The following LRRC20 variants were observed in gnomAD, a reference collection of about 807,000 sequenced individuals.
LRRC20 encodes leucine rich repeat containing 20.
LRRC20 carries 11 observed loss-of-function variants against 14.4 expected under a neutral mutation model. That is an observed-to-expected ratio of 0.77 (90% CI 0.48 to 1.27). The LOEUF (loss-of-function observed/expected upper bound fraction) is 1.27. Ranked by LOEUF, LRRC20 falls within the 50% of genes most tolerant of loss-of-function variation. LRRC20 has a pLI of 0.00. For missense variants in LRRC20, 219 were observed against 251.2 expected, an observed-to-expected ratio of 0.87 and a Z score of 0.87; for synonymous variants, 121 against 107.3, an observed-to-expected ratio of 1.13 and a Z score of -0.79.
chr10:70,368,367 C>G (rs1349071057), intron 2 of LRRC20, among the ~76,000 whole-genome samples: 3 of 151,684 alleles, frequency 2.0e-5, no homozygotes, highest in African/African-American at 7.3e-5. Flanking sequence ...CTGTGTTAGC[C>G]AGGATGGTCT....
At chr10:70,340,192 G>A (rs1842863704) in intron 3 of LRRC20, among the ~76,000 whole-genome samples, 1 of 151,916 alleles carries the variant, frequency 6.6e-6, no homozygotes, top group African/African-American at 2.4e-5. Flanking sequence ...GAGCAACACA[G>A]GAGAACAACA....
At chr10:70,367,328 C>CG (rs1554843828) in intron 2 of LRRC20, among the ~76,000 whole-genome samples, 1 of 117,380 alleles carries the variant, frequency 8.5e-6, no homozygotes, top group African/African-American at 3.2e-5. Flanking sequence ...GACCCGGTCT[C>CG]AAAAAAAAAA....
intron 2 of LRRC20, among the ~76,000 whole-genome samples, chr10:70,375,944 TAA>T (rs935727762): frequency 9.2e-5 from 14 of 152,168 alleles, no homozygotes; most frequent in African/African-American, 3.4e-4. Context: ...AAAAAATATA[TAA>T]GACACAATTC....
At position 70,336,587 on chromosome 10, in the gene LRRC20, TC is replaced by T. The variant is rs377104163; in HGVS notation, c.232+3965del. On this transcript the variant is annotated intron_variant, in intron 3 of 4. Transcript: ENST00000446961. ...AAAGAAAGCCAATATGCCCTCCTTG[TC>T]AATCACAGAGGATGCTCCGCCTCTA... is the stretch of plus-strand genomic sequence containing the variant. Among the ~76,000 whole-genome samples, 125 of 152,314 alleles carry T rather than the reference TC, an allele frequency of 8.2e-4. 1 individual carries two copies. The East Asian group carries it at 0.023, about 28-fold the overall frequency.
Position 70,340,650 on chromosome 10 carries a change from C to T in LRRC20, c.135G>A (p.Leu45=), listed in dbSNP as rs142565410. 4.2e-5 allele frequency: 68 copies of T among 1,614,232 alleles called. No homozygotes were observed. The African/African-American group carries it at 8.3e-4, about 20-fold the overall frequency. Residue 45 remains leucine, a synonymous_variant, in exon 3 of 5, where the codon CTG becomes CTA. Transcript: ENST00000446961. ...VSFPIGIYKV[L]RNVSGQIHLI... ...GGTGGATCTGGCCAGAGACATTCCG[C>T]AGGACCTTGTAGATGCCAATGGGAA...
intron 4 of LRRC20, among the ~76,000 whole-genome samples, chr10:70,311,221 C>CTTTTTT (rs1491407192): frequency 1.7e-5 from 2 of 120,600 alleles, no homozygotes; most frequent in East Asian, 3.0e-4. Context: ...TTCAACATTC[C>CTTTTTT]ATTTTTTTTT....
At chr10:70,350,772 G>C (rs1030452832) in intron 2 of LRRC20, among the ~76,000 whole-genome samples, 6 of 152,196 alleles carry the variant, frequency 3.9e-5, no homozygotes, top group Admixed American at 2.6e-4. Flanking sequence ...AGGCTCCCAA[G>C]GCTACTGGAG....
intron 2 of LRRC20, among the ~76,000 whole-genome samples, chr10:70,373,786 A>C (rs1250996537): frequency 6.6e-6 from 1 of 152,206 alleles, no homozygotes; most frequent in Non-Finnish European, 1.5e-5. Context: ...TGGTGGAGAC[A>C]GGGCCCAGGC....
chr10:70,372,677 T>C (rs376170833), intron 2 of LRRC20, among the ~76,000 whole-genome samples: 80 of 152,032 alleles, frequency 5.3e-4, no homozygotes, highest in Admixed American at 1.3e-3. Context: ...CTCCTGACCT[T>C]GTGATCCGCC....
intron 1 of LRRC20, among the ~76,000 whole-genome samples, chr10:70,378,612 C>T (rs1245144957): frequency 3.3e-5 from 5 of 151,906 alleles, no homozygotes; most frequent in African/African-American, 9.7e-5. Flanking sequence ...CGTGGTAAAA[C>T]TCCATCTCTA....
chr10:70,327,350 G>A (rs1259730822), intron 3 of LRRC20, among the ~76,000 whole-genome samples: 2 of 113,478 alleles, frequency 1.8e-5, no homozygotes, highest in Admixed American at 1.7e-4. Flanking sequence ...TGAGGCAGAC[G>A]GATCACTTGA....
intron 2 of LRRC20, among the ~76,000 whole-genome samples, chr10:70,359,360 C>G (rs1843637837): frequency 6.6e-6 from 1 of 152,148 alleles, no homozygotes; most frequent in Admixed American, 6.5e-5. Flanking sequence ...AGTTCAAGGC[C>G]AGCCTGGACA....
At chr10:70,322,951 T>A (rs2136945420) in intron 4 of LRRC20, among the ~76,000 whole-genome samples, 1 of 151,818 alleles carries the variant, frequency 6.6e-6, no homozygotes, top group Non-Finnish European at 1.5e-5. Flanking sequence ...CCCAAACTGC[T>A]AGGACTCATC....
chr10:70,314,200 TG>T (rs1841776143), intron 4 of LRRC20, among the ~76,000 whole-genome samples: 1 of 151,928 alleles, frequency 6.6e-6, no homozygotes, highest in Non-Finnish European at 1.5e-5. Context: ...GAGATTTGGG[TG>T]GGGACACAGC....
At chr10:70,358,390 G>A (rs991211992) in intron 2 of LRRC20, among the ~76,000 whole-genome samples, 4 of 152,220 alleles carry the variant, frequency 2.6e-5, no homozygotes, top group Non-Finnish European at 5.9e-5. Context: ...GAGGGCTGCA[G>A]TTACCAACTG....
intron 4 of LRRC20, among the ~76,000 whole-genome samples, chr10:70,312,489 G>A (rs1564613106): frequency 6.6e-6 from 1 of 152,164 alleles, no homozygotes; most frequent in Non-Finnish European, 1.5e-5. Flanking sequence ...CCTGGCAGAG[G>A]TGGGGCAGAA....
At chr10:70,375,783 C>CAA (rs2137175942) in intron 2 of LRRC20, among the ~76,000 whole-genome samples, 1 of 151,190 alleles carries the variant, frequency 6.6e-6, no homozygotes, top group South Asian at 2.1e-4. Context: ...ACAGGACACA[C>CAA]AGGTAACTGC....
At chr10:70,306,207 T>C (rs1841420415) in intron 4 of LRRC20, among the ~76,000 whole-genome samples, 1 of 152,052 alleles carries the variant, frequency 6.6e-6, no homozygotes. Context: ...TCAGTGTATA[T>C]TTCCTAGGAA....
chr10:70,361,064 AGAG>A (rs1476034948), intron 2 of LRRC20, among the ~76,000 whole-genome samples: 5 of 135,942 alleles, frequency 3.7e-5, no homozygotes, highest in Non-Finnish European at 6.5e-5. Context: ...AAAAAAAAAA[AGAG>A]AGAGAGAGAG....
Sources: gnomAD v4.1 joint callset for allele counts (sites outside exome capture counted in the v4.1 genomes callset) on GRCh38, gnomAD v4.1.1 for gene constraint, MANE v1.5 for transcripts, NCBI Gene and HGNC (gene_info 2026-07-23, HGNC 2026-07-21) for gene names.